Variants in EGLN2 observed in about 807,000 individuals in gnomAD.
The protein encoded by EGLN2 is egl-9 family hypoxia inducible factor 2.
In EGLN2, 15 loss-of-function variants were observed where a neutral mutation model predicts 38.2. That is an observed-to-expected ratio of 0.39 (90% CI 0.26 to 0.60). EGLN2 has a LOEUF of 0.60. EGLN2 is among the 20% of genes least tolerant of loss of function. EGLN2 has a pLI of 0.50. For synonymous variants in EGLN2, 284 were observed against 237.4 expected (o/e 1.20, Z -1.81); for missense variants, 492 against 570.4 (o/e 0.86, Z 1.40).
At chr19:40,807,402 C>T in intron 4 of EGLN2, 82 bp from the exon 5 acceptor site, 1 of 1,604,896 alleles carries the variant, frequency 6.2e-7, no homozygotes, top group East Asian at 2.2e-5. Flanking sequence ...AACCGGGTGG[C>T]TCAAAAGGAT....
chr19:40,801,131 C>T lies in EGLN2; in HGVS notation c.559C>T (p.Arg187Trp), dbSNP rs765288136. Residue 187 changes from arginine to tryptophan, a missense_variant, in exon 2 of 6, where the codon CGG (arginine) becomes TGG (tryptophan). Physicochemically the swap from Arg to Trp is moderately radical, Grantham distance 101. This residue lies in a region of EGLN2 where 378 missense variants were observed against 386.2 expected (regional missense o/e 0.98). Transcript: ENST00000303961. ...LALDYIVPCM[R>W]YYGICVKDSF... ...CCTGGACTATATCGTGCCCTGCATG[C>T]GGTACTACGGCATCTGCGTCAAGGA... 5 of 1,612,824 alleles carry T rather than the reference C, an allele frequency of 3.1e-6. No individual in the cohort carries two copies. The highest frequency in any genetic ancestry group is 2.2e-5 in the East Asian group (1 of 44,882).
rs1202837153 is a variant in EGLN2, at chr19:40,800,371, G to A, written c.-202G>A. Reference sequence around the variant, plus strand: ...GAAGGGTCCCTTCCCAAGCCCTTAGGGACCGCAGAGGACTTGGGGACCAGC... The same window carrying A: ...GAAGGGTCCCTTCCCAAGCCCTTAGAGACCGCAGAGGACTTGGGGACCAGC... On this transcript the variant is annotated 5_prime_UTR_variant, in exon 2 of 6. Transcript: ENST00000303961. The A allele has an allele frequency of 1.4e-5, 10 of 707,964 alleles. No homozygotes were observed. Among genetic ancestry groups the A allele is most frequent in the Non-Finnish European group, 2.2e-5 (10 of 444,950 alleles). The allele number at this position is 707,964 out of a possible 1,614,324, so 43.9% of individuals were successfully genotyped here. A position where few individuals can be genotyped will look rare whatever the true frequency, so the allele number is the denominator to read the frequency against.
intron 3 of EGLN2, chr19:40,806,908 A>T (rs572564904): frequency 4.8e-5 from 44 of 913,842 alleles, no homozygotes; most frequent in Non-Finnish European, 7.1e-5. Flanking sequence ...CTGTCTGCCC[A>T]GCCCCACCCG....
chr19:40,800,641 G>A lies in EGLN2; in HGVS notation c.69G>A (p.Glu23=), dbSNP rs890136062. The A allele has an allele frequency of 2.5e-6, 4 of 1,613,944 alleles. No homozygotes were observed. The highest frequency in any genetic ancestry group is 3.4e-6 in the Non-Finnish European group (4 of 1,180,000). Residue 23 remains glutamate, a synonymous_variant, in exon 2 of 6, where the codon GAG becomes GAA. Transcript: ENST00000303961. ...CTCAGTTACCAGGGTCTTCGTCAGA[G>A]CCCTTGGAGCCTGAGCCTGGCCGGG... ...ALPQLPGSSS[E]PLEPEPGRAR...
Position 40,807,414 on chromosome 19 carries a change from G to A in EGLN2, c.1101-70G>A, listed in dbSNP as rs1327353012. On this transcript the variant is annotated intron_variant, in intron 4 of 5. Coordinates refer to ENST00000303961, the MANE Select transcript of EGLN2 (RefSeq NM_080732.4). ...CAGAACCGGGTGGCTCAAAAGGATG[G>A]CCGCCTAGTGTGTGTGGATATGGTA... is the stretch of plus-strand genomic sequence containing the variant. 1.2e-5 allele frequency: 20 copies of A among 1,606,350 alleles called. No homozygotes were observed. The East Asian group carries it at 3.6e-4, about 29-fold the overall frequency.
intron 2 of EGLN2, among the ~76,000 whole-genome samples, chr19:40,802,305 T>C (rs2083267610): frequency 1.3e-5 from 2 of 152,130 alleles, no homozygotes; most frequent in African/African-American, 2.4e-5. Flanking sequence ...GAGGACAGTC[T>C]CCTGGGGGTG....
In EGLN2 at chr19:40,800,507, G is replaced by A. The variant is rs2083246747; in HGVS notation, c.-66G>A. 6 of 1,484,112 alleles carry A rather than the reference G, an allele frequency of 4.0e-6. No homozygotes were observed. The highest frequency in any genetic ancestry group is 2.3e-5 in the Admixed American group (1 of 43,166). 91.9% of individuals were successfully genotyped at this position (1,484,112 alleles called of 1,614,324 possible). A position where few individuals can be genotyped will look rare whatever the true frequency, so the allele number is the denominator to read the frequency against. ...ATCAAGTGGAGGCGGAGGAGGAGGC[G>A]GAGGAGGGTGGCACCATGGGCCCGG... On this transcript the variant is annotated 5_prime_UTR_variant, in exon 2 of 6. Coordinates refer to ENST00000303961, the MANE Select transcript of EGLN2 (RefSeq NM_080732.4).
intron 2 of EGLN2, 89 bp from the exon 3 acceptor site, chr19:40,806,466 G>A: frequency 1.3e-6 from 2 of 1,581,462 alleles, no homozygotes; most frequent in Middle Eastern, 4.4e-4. Flanking sequence ...ATGGGGCAAG[G>A]AGGGGTGGGA....
intron 2 of EGLN2, chr19:40,805,239 A>T (rs776450493): frequency 1.3e-5 from 2 of 152,490 alleles, no homozygotes; most frequent in African/African-American, 4.8e-5. Flanking sequence ...AGAGGTCAAG[A>T]CAGATGGTCC....
At chr19:40,806,790 TCTC>T in intron 3 of EGLN2, 116 bp downstream of exon 3, 1 of 1,403,046 alleles carries the variant, frequency 7.1e-7, no homozygotes, top group Non-Finnish European at 9.8e-7. Flanking sequence ...CTGTTTCTCT[TCTC>T]AACACACAGC....
Position 40,801,427 on chromosome 19 carries a change from T to C in EGLN2, c.843+12T>C. On this transcript the variant is annotated intron_variant, in intron 2 of 5. Transcript: ENST00000303961. ...ACGGGCGCACCAAGGTAAGGCTAGG[T>C]GGGGGCCTCTTTGGAGGGGCTTTGC... is the stretch of plus-strand genomic sequence containing the variant. The C allele has an allele frequency of 1.9e-6, 3 of 1,595,788 alleles. No individual in the cohort carries two copies. The highest frequency in any genetic ancestry group is 2.6e-6 in the Non-Finnish European group (3 of 1,174,926).
chr19:40,799,739 T>G (rs1225981079), intron 1 of EGLN2: 15 of 152,044 alleles, frequency 9.9e-5, no homozygotes, highest in Admixed American at 9.8e-4. Flanking sequence ...CGTCTGGGCG[T>G]GTGTCCGCCC....
chr19:40,801,329 A>G lies in EGLN2; in HGVS notation c.757A>G (p.Ile253Val). The change falls in exon 2 of 6, where the codon ATT (isoleucine) becomes GTT (valine). Residue 253 changes from isoleucine (I) to valine (V), a missense_variant. This residue lies in a region of EGLN2 where 378 missense variants were observed against 386.2 expected (regional missense o/e 0.98). Transcript: ENST00000303961. ...VEGHEPGCRS[I>V]GALMAHVDAV... ...AGGCCATGAACCAGGCTGTCGAAGC[A>G]TTGGTGCCCTCATGGCCCATGTGGA... is the stretch of plus-strand genomic sequence containing the variant. The G allele has an allele frequency of 6.2e-7, 1 of 1,612,656 alleles. No homozygotes were observed. Among genetic ancestry groups the G allele is most frequent in the South Asian group, 1.1e-5 (1 of 91,092 alleles).
intron 2 of EGLN2, chr19:40,804,863 C>T (rs1003004252): frequency 6.6e-6 from 1 of 152,206 alleles, no homozygotes; most frequent in Non-Finnish European, 1.5e-5. Flanking sequence ...TCTGGTGCTG[C>T]CAGAGAGAAG....
In EGLN2 at chr19:40,800,626, A is replaced by T; in HGVS notation, c.54A>T (p.Pro18=). ...TAAGTCAGGCTCTCCCTCAGTTACC[A>T]GGGTCTTCGTCAGAGCCCTTGGAGC... ...QPLSQALPQL[P]GSSSEPLEPE... Residue 18 remains proline (P), a synonymous_variant, in exon 2 of 6, where the codon CCA becomes CCT. Coordinates refer to ENST00000303961, the MANE Select transcript of EGLN2 (RefSeq NM_080732.4). The T allele has an allele frequency of 6.2e-7, 1 of 1,613,548 alleles. No homozygotes were observed. Among genetic ancestry groups the T allele is most frequent in the Non-Finnish European group, 8.5e-7 (1 of 1,179,888 alleles).
intron 2 of EGLN2, chr19:40,803,025 G>T (rs952546849): frequency 6.6e-6 from 1 of 152,224 alleles, no homozygotes; most frequent in African/African-American, 2.4e-5. Flanking sequence ...TCTCCCTCCC[G>T]TTACTTGATA....
In EGLN2 at chr19:40,801,292, T is replaced by G; in HGVS notation, c.720T>G (p.Ile240Met). 2 of 1,613,196 alleles carry G rather than the reference T, an allele frequency of 1.2e-6. No homozygotes were observed. Among genetic ancestry groups the G allele is most frequent in the South Asian group, 2.2e-5 (2 of 91,090 alleles). ...IPPRSIRGDQ[I>M]AWVEGHEPGC... ...CGCGCAGCATCCGTGGGGACCAGAT[T>G]GCCTGGGTGGAAGGCCATGAACCAG... Residue 240 changes from isoleucine to methionine, a missense_variant, in exon 2 of 6, where the codon ATT (isoleucine) becomes ATG (methionine). This residue lies in a region of EGLN2 where 378 missense variants were observed against 386.2 expected (regional missense o/e 0.98). Coordinates refer to ENST00000303961, the MANE Select transcript of EGLN2 (RefSeq NM_080732.4).
chr19:40,807,194 C>G lies in EGLN2; in HGVS notation c.1020C>G (p.Ile340Met). The stretch of plus-strand genomic sequence containing the variant: ...AGGGCCGGCCCGTGGTAGCCAACAT[C>G]GAGCCACTCTTTGACCGGTTGCTCA... ...FPEGRPVVAN[I>M]EPLFDRLLIF... is the part of the protein sequence containing the mutation. Residue 340 changes from isoleucine (I) to methionine (M), a missense_variant, in exon 4 of 6, where the codon ATC becomes ATG. Physicochemically the swap from Ile to Met is conservative, Grantham distance 10 (BLOSUM62 1). Transcript: ENST00000303961. The G allele has an allele frequency of 6.2e-7, 1 of 1,614,154 alleles. No individual in the cohort carries two copies. Among genetic ancestry groups the G allele is most frequent in the Non-Finnish European group, 8.5e-7 (1 of 1,180,012 alleles).
chr19:40,806,943 T>C, intron 3 of EGLN2, 195 bp from the exon 4 acceptor site: 3 of 995,904 alleles, frequency 3.0e-6, no homozygotes, highest in Non-Finnish European at 4.3e-6. Context: ...ACTTTCCCCC[T>C]TTTCCTGTCT....
Sources: allele counts gnomAD v4.1 joint callset (sites outside exome capture counted in the v4.1 genomes callset), GRCh38; gene constraint gnomAD v4.1.1; regional missense constraint gnomAD v4.1.1; transcripts MANE v1.5; gene names NCBI Gene and HGNC (gene_info 2026-07-23, HGNC 2026-07-21).